Variants in AP3B1 observed in about 807,000 individuals in gnomAD.
The protein encoded by AP3B1 is adaptor related protein complex 3 subunit beta 1.
A neutral mutation model predicts 132.5 loss-of-function variants in AP3B1; 61 were observed. The ratio of observed to expected loss-of-function variants is 0.46; its 90% CI spans 0.37 to 0.57. The LOEUF is 0.57. AP3B1 is among the 20% of genes least tolerant of loss of function. The pLI is 0.00. For synonymous variants in AP3B1, 388 were observed against 438.3 expected, an observed-to-expected ratio of 0.89 and a Z score of 1.43; for missense variants, 1,120 against 1,289.4, an observed-to-expected ratio of 0.87 and a Z score of 2.01.
chr5:78,278,625 A>AAAAGG (rs1561217252), intron 1 of AP3B1, among the ~76,000 whole-genome samples: 7 of 52,262 alleles, frequency 1.3e-4, no homozygotes, highest in African/African-American at 4.3e-4. Context: ...AAAAAAAAAA[A>AAAAGG]GGGGGGGGGG....
At chr5:78,121,591 C>T (rs1334823476) in intron 17 of AP3B1, 1 of 152,186 alleles carries the variant, frequency 6.6e-6, no homozygotes, top group African/African-American at 2.4e-5. Context: ...ACTAGAAAAT[C>T]TAGAAGAAAT....
At chr5:78,122,171 A>T (rs1033164093) in intron 17 of AP3B1, among the ~76,000 whole-genome samples, 2 of 152,212 alleles carry the variant, frequency 1.3e-5, no homozygotes, top group African/African-American at 2.4e-5. Context: ...AACTCTCAAT[A>T]AATTAGGTAT....
At chr5:78,239,771 T>A (rs1399674995) in intron 3 of AP3B1, among the ~76,000 whole-genome samples, 6 of 131,530 alleles carry the variant, frequency 4.6e-5, no homozygotes, top group Admixed American at 7.7e-5. Flanking sequence ...GAAGTGAGAC[T>A]CTGTCTCAAA....
chr5:78,164,170 T>C (rs1425386273), intron 12 of AP3B1, among the ~76,000 whole-genome samples: 1 of 152,016 alleles, frequency 6.6e-6, no homozygotes, highest in Non-Finnish European at 1.5e-5. Flanking sequence ...AATATGAACT[T>C]ATGAGTCTTT....
At chr5:78,199,417 G>A (rs1745203839) in intron 7 of AP3B1, among the ~76,000 whole-genome samples, 1 of 152,176 alleles carries the variant, frequency 6.6e-6, no homozygotes, top group South Asian at 2.1e-4. Context: ...TAGATCCAGT[G>A]ATGGGGAAGA....
At chr5:78,073,548 T>C (rs1424247837) in intron 22 of AP3B1, among the ~76,000 whole-genome samples, 6 of 152,190 alleles carry the variant, frequency 3.9e-5, no homozygotes, top group Middle Eastern at 3.2e-3. Context: ...CTGCCTTTTT[T>C]AAATGCATAA....
At chr5:78,098,094 A>G (rs563271381) in intron 21 of AP3B1, among the ~76,000 whole-genome samples, 213 of 151,164 alleles carry the variant, frequency 1.4e-3, no homozygotes, top group African/African-American at 5.0e-3. Context: ...ATGCTCGTTA[A>G]GAGTCATCAC....
At chr5:78,249,552 A>G (rs10043617) in intron 2 of AP3B1, among the ~76,000 whole-genome samples, 37,187 of 141,132 alleles carry the variant, frequency 0.26, 5,175 homozygotes, top group Middle Eastern at 0.34. Flanking sequence ...TTCAATCTCT[A>G]TTCTTCAGAA....
chr5:78,124,784 T>A (rs1440396486), intron 17 of AP3B1, among the ~76,000 whole-genome samples: 1 of 152,266 alleles, frequency 6.6e-6, no homozygotes, highest in East Asian at 1.9e-4. Context: ...AACTCTGAAG[T>A]CCATATTTTT....
rs138636999 is a variant in AP3B1 at position 78,200,472 on chromosome 5, A to T, written c.786+15583T>A. Reference sequence around the variant, plus strand: ...CTGGAGTTCAAGACCAGCCTGAGCAACATGGTGAAACCCCATCTCTACTAA... The same window carrying T: ...CTGGAGTTCAAGACCAGCCTGAGCATCATGGTGAAACCCCATCTCTACTAA... On this transcript the variant is annotated intron_variant, in intron 7 of 26. Transcript: ENST00000255194. Among the ~76,000 whole-genome samples, 276 of 152,288 alleles carry T rather than the reference A, an allele frequency of 1.8e-3. 1 individual carries two copies. The highest frequency in any genetic ancestry group is 6.4e-3 in the African/African-American group (264 of 41,560).
intron 6 of AP3B1, among the ~76,000 whole-genome samples, chr5:78,220,025 TC>T (rs965552713): frequency 1.3e-5 from 2 of 152,070 alleles, no homozygotes; most frequent in Admixed American, 6.6e-5. Context: ...TGATTTTTGA[TC>T]CTCTATTGAT....
rs142970204 is a variant in AP3B1 at position 78,216,537 on chromosome 5, G to A, written c.604-300C>T. ...CATATGTGGATTAAACATTAATCAC[G>A]CACATTTTTCATGTTTAAAGCTAAC... On this transcript the variant is annotated intron_variant, in intron 6 of 26. Coordinates refer to ENST00000255194, the MANE Select transcript of AP3B1 (RefSeq NM_003664.5). 1.2e-3 allele frequency among the ~76,000 whole-genome samples: 184 copies of A among 152,114 alleles called. 6 individuals carry two copies. In the East Asian group the frequency reaches 0.027, roughly 22 times the overall value.
intron 22 of AP3B1, chr5:78,087,632 T>C (rs1750319711): frequency 2.0e-6 from 2 of 985,196 alleles, no homozygotes. Flanking sequence ...CTGGCGGTCA[T>C]TTTTTGCCCA....
intron 22 of AP3B1, chr5:78,042,300 TG>T (rs1185684175): frequency 2.0e-5 from 3 of 152,358 alleles, no homozygotes; most frequent in Non-Finnish European, 4.4e-5. Flanking sequence ...TGGAGTGCAG[TG>T]GTGCAATCAT....
chr5:78,165,552 A>G, intron 12 of AP3B1, 58 bp downstream of exon 12: 2 of 1,141,606 alleles, frequency 1.8e-6, no homozygotes. Flanking sequence ...AAAAAGATGC[A>G]TATTTAAGAC....
chr5:78,053,950 G>C (rs1748699499), intron 22 of AP3B1, among the ~76,000 whole-genome samples: 1 of 152,172 alleles, frequency 6.6e-6, no homozygotes, highest in Non-Finnish European at 1.5e-5. Context: ...ACAGATTTGA[G>C]CTGAAATTGG....
chr5:78,054,502 T>G (rs559991753), intron 22 of AP3B1, among the ~76,000 whole-genome samples: 1 of 139,624 alleles, frequency 7.2e-6, no homozygotes, highest in South Asian at 2.2e-4. Context: ...GTAGTAACAA[T>G]GATTTCGTCA....
intron 24 of AP3B1, among the ~76,000 whole-genome samples, chr5:78,025,395 T>G (rs941284219): frequency 6.6e-6 from 1 of 151,984 alleles, no homozygotes; most frequent in South Asian, 2.1e-4. Flanking sequence ...GGGAAAGCGA[T>G]CCTGAAATGT....
At chr5:78,039,572 C>G (rs915955766) in intron 22 of AP3B1, among the ~76,000 whole-genome samples, 8 of 151,912 alleles carry the variant, frequency 5.3e-5, no homozygotes, top group Admixed American at 2.0e-4. Context: ...TCAGGAGATC[C>G]AGACCATCCT....
Sources: allele counts gnomAD v4.1 joint callset (sites outside exome capture counted in the v4.1 genomes callset), GRCh38; gene constraint gnomAD v4.1.1; transcripts MANE v1.5; gene names NCBI Gene and HGNC (gene_info 2026-07-23, HGNC 2026-07-21).